The following E2F3 variants were observed in gnomAD, a reference collection of about 807,000 sequenced individuals.
E2F3 encodes transcription factor E2F3.
A neutral mutation model predicts 44.4 loss-of-function variants in E2F3; 11 were observed. The observed-to-expected ratio is 0.25, with a 90% confidence interval of 0.16 to 0.41. E2F3 has a LOEUF of 0.41. E2F3 is among the 10% of genes least tolerant of loss of function. The probability of loss-of-function intolerance (pLI) is 1.00; values close to 1 mark genes in which losing one functional copy is unlikely to be tolerated. For missense variants in E2F3, 487 were observed against 583.6 expected (o/e 0.83, Z 1.70); for synonymous variants, 249 against 253.0 (o/e 0.98, Z 0.15).
chr6:20,406,293 CAT>C (rs1452424207), intron 1 of E2F3, among the ~76,000 whole-genome samples: 1 of 152,184 alleles, frequency 6.6e-6, no homozygotes, highest in Non-Finnish European at 1.5e-5. Context: ...TCCTCTGTAA[CAT>C]AGGGACAAAA....
In E2F3 at chr6:20,492,782, A is replaced by G; in HGVS notation, c.*2352A>G. ...TACTGGGTTTAACTGGTGTACATTA[A>G]TTAGATGTCCATACTGTATTTTGTT... On this transcript the variant is annotated 3_prime_UTR_variant, in exon 7 of 7. Coordinates refer to ENST00000346618, the MANE Select transcript of E2F3 (RefSeq NM_001949.5). 4.4e-6 allele frequency: 1 copy of G among 229,374 alleles called. No homozygotes were observed. The highest frequency in any genetic ancestry group is 8.7e-6 in the Non-Finnish European group (1 of 115,396). The allele number at this position is 229,374 out of a possible 1,614,324, so 14.2% of individuals were successfully genotyped here.
At chr6:20,489,085 C>A (rs1762483055) in intron 6 of E2F3, among the ~76,000 whole-genome samples, 1 of 152,108 alleles carries the variant, frequency 6.6e-6, no homozygotes, top group Non-Finnish European at 1.5e-5. Flanking sequence ...TTTCCATTTC[C>A]TAACTTGAGG....
intron 1 of E2F3, among the ~76,000 whole-genome samples, chr6:20,417,213 T>G (rs2127588210): frequency 6.6e-6 from 1 of 152,280 alleles, no homozygotes; most frequent in South Asian, 2.1e-4. Flanking sequence ...ATTTGGGTAT[T>G]TAAAGATACA....
intron 1 of E2F3, among the ~76,000 whole-genome samples, chr6:20,421,004 A>G (rs758799396): frequency 2.0e-5 from 3 of 152,202 alleles, no homozygotes; most frequent in Non-Finnish European, 2.9e-5. Flanking sequence ...TGTCATTTCA[A>G]CATTGTTCAC....
chr6:20,488,313 A>G (rs552884053), intron 6 of E2F3, 65 bp downstream of exon 6: 1 of 1,508,334 alleles, frequency 6.6e-7, no homozygotes, highest in African/African-American at 1.4e-5. Context: ...AACCATCTGT[A>G]TTGGAACCAC....
chr6:20,470,712 G>C (rs1464304256), intron 1 of E2F3, among the ~76,000 whole-genome samples: 4 of 152,138 alleles, frequency 2.6e-5, no homozygotes, highest in African/African-American at 9.7e-5. Flanking sequence ...TATTAACTAG[G>C]GAGAAGGGAG....
At chr6:20,480,018 C>T in intron 2 of E2F3, 61 bp downstream of exon 2, 2 of 1,541,580 alleles carry the variant, frequency 1.3e-6, no homozygotes, top group Non-Finnish European at 1.8e-6. Flanking sequence ...AGTTTCAAAG[C>T]TTATGGCCGG....
At chr6:20,442,952 A>G (rs772184923) in intron 1 of E2F3, among the ~76,000 whole-genome samples, 6 of 141,426 alleles carry the variant, frequency 4.2e-5, no homozygotes, top group Non-Finnish European at 9.2e-5. Context: ...CCTGGGCGAC[A>G]AGAGCAAACT....
At chr6:20,403,148 G>T (rs1475070117) in intron 1 of E2F3, among the ~76,000 whole-genome samples, 1 of 151,848 alleles carries the variant, frequency 6.6e-6, no homozygotes, top group Non-Finnish European at 1.5e-5. Flanking sequence ...GGGGATCGGC[G>T]GGGCTGCGCT....
At chr6:20,421,580 A>C (rs1226619142) in intron 1 of E2F3, 1 of 152,234 alleles carries the variant, frequency 6.6e-6, no homozygotes, top group Non-Finnish European at 1.5e-5. Flanking sequence ...GTAGTTATCA[A>C]CAATGGGCTT....
intron 1 of E2F3, among the ~76,000 whole-genome samples, chr6:20,457,453 G>A (rs1761348898): frequency 6.6e-6 from 1 of 150,488 alleles, no homozygotes; most frequent in Non-Finnish European, 1.5e-5. Flanking sequence ...TCCCAAAGTG[G>A]TGGGATTACA....
rs1197659061 is a variant in E2F3, at chr6:20,402,495, C to T, written c.263C>T (p.Ala88Val). Reference protein sequence around the residue: ...AVAAGPLLPSAPGAEQTAGSL... With the variant: ...AVAAGPLLPSVPGAEQTAGSL... The stretch of plus-strand genomic sequence containing the variant: ...GCCGCCGGCCCCCTCCTCCCCAGTG[C>T]CCCCGGCGCGGAGCAGACCGCCGGC... The change falls in exon 1 of 7, where the codon GCC becomes GTC. Residue 88 changes from alanine (A) to valine (V), a missense_variant. Physicochemically the swap from Ala to Val is moderately conservative, Grantham distance 64 (BLOSUM62 0). Transcript: ENST00000346618. This position sits in a 1 kb window ranked among gnomAD's most constrained non-coding sequence, Gnocchi z 5.6. 5 of 1,606,160 alleles carry T rather than the reference C, an allele frequency of 3.1e-6. No individual in the cohort carries two copies. The highest frequency in any genetic ancestry group is 1.7e-4 in the Middle Eastern group (1 of 5,972).
intron 1 of E2F3, among the ~76,000 whole-genome samples, chr6:20,464,663 A>G (rs1205783976): frequency 6.6e-6 from 1 of 152,190 alleles, no homozygotes; most frequent in Non-Finnish European, 1.5e-5. Flanking sequence ...ATATTGCTCA[A>G]AGGGTGGATT....
chr6:20,446,414 G>A (rs1043149442), intron 1 of E2F3, among the ~76,000 whole-genome samples: 6 of 152,176 alleles, frequency 3.9e-5, no homozygotes, highest in Non-Finnish European at 8.8e-5. Context: ...TATCCTCAAA[G>A]GCATTAGGAG....
intron 1 of E2F3, among the ~76,000 whole-genome samples, chr6:20,445,711 A>G (rs1474008114): frequency 6.6e-6 from 1 of 152,164 alleles, no homozygotes; most frequent in Non-Finnish European, 1.5e-5. Flanking sequence ...AATGAATGAG[A>G]TATCATGAAA....
chr6:20,463,346 C>G (rs560245880), intron 1 of E2F3, among the ~76,000 whole-genome samples: 7 of 152,060 alleles, frequency 4.6e-5, no homozygotes, highest in Admixed American at 2.6e-4. Flanking sequence ...GCCAGGAGTT[C>G]GAGACCAGCC....
In E2F3 at chr6:20,482,775, T is replaced by A; in HGVS notation, c.739T>A (p.Ser247Thr). ...NNVQWMGCSL[S>T]EDGGMLAQCQ... Reference sequence around the variant, plus strand: ...TTGGGTTTCTAGGGGCTGCAGTCTGTCTGAGGATGGGGGCATGCTGGCCCA... The same window carrying A: ...TTGGGTTTCTAGGGGCTGCAGTCTGACTGAGGATGGGGGCATGCTGGCCCA... Residue 247 changes from serine (S) to threonine (T), a missense_variant, in exon 4 of 7, where the codon TCT becomes ACT. This residue lies in a region of E2F3 where 220 missense variants were observed against 261.7 expected (regional missense o/e 0.84). Coordinates refer to ENST00000346618, the MANE Select transcript of E2F3 (RefSeq NM_001949.5). The A allele has an allele frequency of 6.2e-7, 1 of 1,609,698 alleles. No individual in the cohort carries two copies.
chr6:20,405,308 A>G (rs6456350), intron 1 of E2F3, among the ~76,000 whole-genome samples: 95,452 of 150,160 alleles, frequency 0.64, 30,466 homozygotes, highest in South Asian at 0.68. Context: ...CATTTTTTAT[A>G]TGATTGCAAT....
chr6:20,417,554 A>G (rs1459393831), intron 1 of E2F3, among the ~76,000 whole-genome samples: 3 of 151,440 alleles, frequency 2.0e-5, no homozygotes, highest in African/African-American at 4.8e-5. Context: ...ATTTAAAAAG[A>G]TGTTACTTGA....
Sources: allele counts gnomAD v4.1 joint callset (sites outside exome capture counted in the v4.1 genomes callset), GRCh38; gene constraint gnomAD v4.1.1; regional missense constraint gnomAD v4.1.1; non-coding constraint Gnocchi (gnomAD v3.1); transcripts MANE v1.5; gene names NCBI Gene and HGNC (gene_info 2026-07-23, HGNC 2026-07-21).